Variants in IFTAP observed in about 807,000 individuals in gnomAD.
IFTAP encodes the protein intraflagellar transport associated protein.
In IFTAP, 19 loss-of-function variants were observed where a neutral mutation model predicts 19.4. The ratio of observed to expected loss-of-function variants is 0.98; its 90% CI spans 0.68 to 1.44. The LOEUF (loss-of-function observed/expected upper bound fraction) is 1.44. Among genes scored for constraint, IFTAP ranks in the 40% most tolerant of loss-of-function variants. The pLI is 0.00. For missense variants in IFTAP, 240 were observed against 253.6 expected (o/e 0.95, Z 0.36); for synonymous variants, 85 against 83.5 (o/e 1.02, Z -0.10).
chr11:36,653,289 A>G (rs1222160627), intron 5 of IFTAP, among the ~76,000 whole-genome samples: 1 of 152,148 alleles, frequency 6.6e-6, no homozygotes, highest in African/African-American at 2.4e-5. Flanking sequence ...AAGGGGACTC[A>G]AAGTTTTCCA....
At chr11:36,608,446 C>T (rs375961477) in intron 1 of IFTAP, among the ~76,000 whole-genome samples, 1 of 152,154 alleles carries the variant, frequency 6.6e-6, no homozygotes, top group East Asian at 1.9e-4. Context: ...TTTTTATGGT[C>T]CCCCATGTAG....
intron 2 of IFTAP, among the ~76,000 whole-genome samples, chr11:36,619,168 T>C (rs959164919): frequency 3.9e-5 from 6 of 151,946 alleles, no homozygotes; most frequent in Non-Finnish European, 8.8e-5. Flanking sequence ...CTTAGAATCT[T>C]GGGTTGGGAT....
intron 4 of IFTAP, among the ~76,000 whole-genome samples, chr11:36,636,338 G>T (rs1469286140): frequency 6.6e-6 from 1 of 152,134 alleles, no homozygotes; most frequent in Non-Finnish European, 1.5e-5. Context: ...AAATAAAGAT[G>T]TGCTCTCCCC....
intron 1 of IFTAP, among the ~76,000 whole-genome samples, chr11:36,598,813 T>C (rs977872772): frequency 2.1e-4 from 32 of 152,172 alleles, no homozygotes; most frequent in African/African-American, 7.7e-4. Flanking sequence ...GTTTTTCAGG[T>C]AGAGTCATCT....
At chr11:36,626,785 A>C (rs1211750723) in intron 2 of IFTAP, among the ~76,000 whole-genome samples, 1 of 151,250 alleles carries the variant, frequency 6.6e-6, no homozygotes, top group Non-Finnish European at 1.5e-5. Flanking sequence ...AATGAGCATC[A>C]GCATTTCTAC....
At chr11:36,643,667 A>G (rs544867842) in intron 4 of IFTAP, among the ~76,000 whole-genome samples, 1 of 152,230 alleles carries the variant, frequency 6.6e-6, no homozygotes, top group African/African-American at 2.4e-5. Context: ...CCAATGGAAA[A>G]GAACAGAGCC....
At chr11:36,639,028 T>G (rs1022411132) in intron 4 of IFTAP, among the ~76,000 whole-genome samples, 1 of 152,242 alleles carries the variant, frequency 6.6e-6, no homozygotes, top group Non-Finnish European at 1.5e-5. Flanking sequence ...AGTTAACCTA[T>G]TCTTCCTTTT....
intron 4 of IFTAP, among the ~76,000 whole-genome samples, chr11:36,639,863 A>G (rs1359569810): frequency 6.6e-6 from 1 of 152,210 alleles, no homozygotes; most frequent in Non-Finnish European, 1.5e-5. Flanking sequence ...TTAATGAGCA[A>G]GTGCATACAA....
intron 2 of IFTAP, among the ~76,000 whole-genome samples, chr11:36,621,196 A>C (rs1297672637): frequency 6.6e-6 from 1 of 152,058 alleles, no homozygotes; most frequent in Non-Finnish European, 1.5e-5. Context: ...TGAGGTGGTC[A>C]TAAGACAGTG....
intron 1 of IFTAP, among the ~76,000 whole-genome samples, chr11:36,595,744 A>C (rs900563070): frequency 6.6e-6 from 1 of 152,264 alleles, no homozygotes. Flanking sequence ...AGGGATTTGC[A>C]TATAGTAGAC....
intron 2 of IFTAP, among the ~76,000 whole-genome samples, chr11:36,618,986 G>C (rs1357843667): frequency 2.0e-5 from 3 of 151,924 alleles, no homozygotes; most frequent in Non-Finnish European, 2.9e-5. Flanking sequence ...TTAGTAACAG[G>C]GTACTGGCAG....
intron 4 of IFTAP, among the ~76,000 whole-genome samples, chr11:36,645,909 T>C (rs1853462030): frequency 6.6e-6 from 1 of 152,200 alleles, no homozygotes; most frequent in South Asian, 2.1e-4. Context: ...ACAAAATTCC[T>C]TTTCTATCTC....
Position 36,640,399 on chromosome 11 carries a change from T to C in IFTAP, c.358+4282T>C, listed in dbSNP as rs140234973. ...TTTATTACATATTACATCTTTATTC[T>C]TAAGTATACCTCTTTTTAATGATTT... On this transcript the variant is annotated intron_variant, in intron 4 of 5. Coordinates refer to ENST00000334307, the MANE Select transcript of IFTAP (RefSeq NM_138787.4). Among the ~76,000 whole-genome samples, 949 of 152,334 alleles carry C rather than the reference T, an allele frequency of 6.2e-3. 10 individuals are homozygous for C. Among genetic ancestry groups the C allele is most frequent in the African/African-American group, 0.022 (920 of 41,580 alleles).
At chr11:36,606,301 A>T (rs1851690548) in intron 1 of IFTAP, among the ~76,000 whole-genome samples, 1 of 152,158 alleles carries the variant, frequency 6.6e-6, no homozygotes, top group African/African-American at 2.4e-5. Flanking sequence ...TCTACTAAAA[A>T]TACAAAAAAA....
intron 1 of IFTAP, among the ~76,000 whole-genome samples, chr11:36,604,591 T>G (rs2133361465): frequency 6.6e-6 from 1 of 152,308 alleles, no homozygotes; most frequent in Non-Finnish European, 1.5e-5. Context: ...GCCTGTGGCC[T>G]TTTGAATGTT....
In IFTAP at chr11:36,628,594, AG is replaced by A. The variant is rs570629021; in HGVS notation, c.137-4689del. Among the ~76,000 whole-genome samples, 13 of 151,452 alleles carry A rather than the reference AG, an allele frequency of 8.6e-5. No homozygotes were observed. The East Asian group carries it at 2.5e-3, about 29-fold the overall frequency. ...TAACTGTCTTTGTCACCTTGCATATAGTTGATGACCAGAATATAACTTTTGG... is the reference window on the plus strand; with the variant it reads ...TAACTGTCTTTGTCACCTTGCATATATTGATGACCAGAATATAACTTTTGG... On this transcript the variant is annotated intron_variant, in intron 2 of 5. Transcript: ENST00000334307.
At chr11:36,643,337 T>C (rs926995159) in intron 4 of IFTAP, among the ~76,000 whole-genome samples, 7 of 151,920 alleles carry the variant, frequency 4.6e-5, no homozygotes, top group African/African-American at 1.7e-4. Context: ...AACTGCTCAA[T>C]GAAATAAAAG....
intron 2 of IFTAP, among the ~76,000 whole-genome samples, chr11:36,613,163 T>A (rs1851937001): frequency 5.3e-5 from 8 of 152,060 alleles, no homozygotes; most frequent in Admixed American, 3.9e-4. Context: ...TGCAGATTTT[T>A]AAAATAATTG....
At chr11:36,614,576 G>A (rs369002638) in intron 2 of IFTAP, among the ~76,000 whole-genome samples, 45 of 147,640 alleles carry the variant, frequency 3.0e-4, no homozygotes, top group Non-Finnish European at 4.3e-4. Flanking sequence ...CCTCTCCAGC[G>A]CCTGTTGTTT....
Sources: allele counts gnomAD v4.1 joint callset (sites outside exome capture counted in the v4.1 genomes callset), GRCh38; gene constraint gnomAD v4.1.1; transcripts MANE v1.5; gene names NCBI Gene and HGNC (gene_info 2026-07-23, HGNC 2026-07-21).